Variants in GRIK1 observed in about 807,000 individuals in gnomAD.
GRIK1 encodes glutamate ionotropic receptor kainate type subunit 1.
A neutral mutation model predicts 105.7 loss-of-function variants in GRIK1; 69 were observed. The observed-to-expected ratio is 0.65, with a 90% CI of 0.54 to 0.80. The LOEUF is 0.80. GRIK1 is among the 30% of genes least tolerant of loss of function. The pLI, the probability that GRIK1 is intolerant of heterozygous loss-of-function variation, is 0.00. For synonymous variants in GRIK1, 438 were observed against 431.3 expected (o/e 1.02, Z -0.19); for missense variants, 1,109 against 1,167.3 (o/e 0.95, Z 0.73).
chr21:29,560,675 C>T (rs1415962664), intron 15 of GRIK1, among the ~76,000 whole-genome samples: 2 of 150,176 alleles, frequency 1.3e-5, no homozygotes, highest in South Asian at 4.2e-4. Flanking sequence ...CATCTCAGCT[C>T]ACTGCAACCT....
chr21:29,573,166 A>G (rs572389990), intron 14 of GRIK1, among the ~76,000 whole-genome samples: 1 of 152,186 alleles, frequency 6.6e-6, no homozygotes, highest in Non-Finnish European at 1.5e-5. Flanking sequence ...TGTTTGTACT[A>G]TCATCACATT....
intron 1 of GRIK1, among the ~76,000 whole-genome samples, chr21:29,861,862 G>T (rs2068650969): frequency 6.6e-6 from 1 of 152,090 alleles, no homozygotes; most frequent in South Asian, 2.1e-4. Context: ...GATTCAGCTT[G>T]CTAATATTTT....
At chr21:29,925,826 T>C (rs2071351596) in intron 1 of GRIK1, among the ~76,000 whole-genome samples, 1 of 152,234 alleles carries the variant, frequency 6.6e-6, no homozygotes, top group Non-Finnish European at 1.5e-5. Flanking sequence ...TCTCAAAAAG[T>C]GAGTGACAGA....
At chr21:29,934,336 C>T (rs467092) in intron 1 of GRIK1, among the ~76,000 whole-genome samples, 137,858 of 152,228 alleles carry the variant, frequency 0.91, 62,552 homozygotes, top group African/African-American at 0.96. Flanking sequence ...TTCTTATATT[C>T]GATTTCCACT....
intron 1 of GRIK1, among the ~76,000 whole-genome samples, chr21:29,869,534 C>T (rs747623621): frequency 3.9e-5 from 6 of 152,112 alleles, no homozygotes; most frequent in South Asian, 2.1e-4. Flanking sequence ...TTCTTACTAC[C>T]GGCATGATAT....
intron 7 of GRIK1, among the ~76,000 whole-genome samples, chr21:29,609,519 T>A (rs2061686063): frequency 6.6e-6 from 1 of 152,202 alleles, no homozygotes; most frequent in Non-Finnish European, 1.5e-5. Flanking sequence ...CCAGATGAGA[T>A]GAGCATTTGA....
At chr21:29,734,715 C>A (rs2064743071) in intron 1 of GRIK1, among the ~76,000 whole-genome samples, 1 of 152,072 alleles carries the variant, frequency 6.6e-6, no homozygotes, top group African/African-American at 2.4e-5. Context: ...TATCAAAGTT[C>A]TTTATTGTCT....
intron 14 of GRIK1, among the ~76,000 whole-genome samples, chr21:29,566,734 C>T (rs987819599): frequency 1.3e-5 from 2 of 152,108 alleles, no homozygotes; most frequent in African/African-American, 2.4e-5. Context: ...ATTGATTAAT[C>T]GAATCTTCAC....
intron 4 of GRIK1, among the ~76,000 whole-genome samples, chr21:29,659,889 T>C (rs941587918): frequency 6.6e-6 from 1 of 151,982 alleles, no homozygotes; most frequent in African/African-American, 2.4e-5. Context: ...TTGAACCTGG[T>C]AGGCGGAGAT....
At chr21:29,881,363 T>A (rs2069402525) in intron 1 of GRIK1, among the ~76,000 whole-genome samples, 1 of 152,078 alleles carries the variant, frequency 6.6e-6, no homozygotes, top group Non-Finnish European at 1.5e-5. Context: ...TTTATTTTCA[T>A]AAAATTTCAA....
At chr21:29,806,566 C>A (rs1264077754) in intron 1 of GRIK1, among the ~76,000 whole-genome samples, 2 of 152,082 alleles carry the variant, frequency 1.3e-5, no homozygotes, top group Non-Finnish European at 2.9e-5. Flanking sequence ...ATTTAAATAT[C>A]AATACTAAGG....
chr21:29,878,515 A>G (rs972772068), intron 1 of GRIK1, among the ~76,000 whole-genome samples: 1 of 152,148 alleles, frequency 6.6e-6, no homozygotes, highest in African/African-American at 2.4e-5. Context: ...AGATGGAATG[A>G]AGAGACTTCA....
chr21:29,625,813 T>C (rs140606340), intron 7 of GRIK1, among the ~76,000 whole-genome samples: 311 of 152,292 alleles, frequency 2.0e-3, no homozygotes, highest in African/African-American at 7.1e-3. Flanking sequence ...GATTGCAAAG[T>C]GAATGTTTCA....
intron 1 of GRIK1, among the ~76,000 whole-genome samples, chr21:29,805,124 A>C (rs1357557982): frequency 6.6e-6 from 1 of 152,096 alleles, no homozygotes; most frequent in Non-Finnish European, 1.5e-5. Context: ...TCTGAGTATG[A>C]ATGGGCACAA....
At chr21:29,872,831 C>G (rs2223021) in intron 1 of GRIK1, among the ~76,000 whole-genome samples, 1 of 152,120 alleles carries the variant, frequency 6.6e-6, no homozygotes, top group Non-Finnish European at 1.5e-5. Context: ...CAATTACCCC[C>G]CACTGGGTCC....
intron 1 of GRIK1, among the ~76,000 whole-genome samples, chr21:29,709,524 T>A (rs1328193587): frequency 6.6e-6 from 1 of 152,006 alleles, no homozygotes. Flanking sequence ...CAGGTAATCT[T>A]GAAAAGATTT....
chr21:29,805,401 G>T (rs2066837676), intron 1 of GRIK1, among the ~76,000 whole-genome samples: 1 of 152,048 alleles, frequency 6.6e-6, no homozygotes, highest in Non-Finnish European at 1.5e-5. Context: ...TGATCAAACT[G>T]GCCCTGAAAT....
At chr21:29,764,366 C>G (rs928346144) in intron 1 of GRIK1, among the ~76,000 whole-genome samples, 2 of 152,118 alleles carry the variant, frequency 1.3e-5, no homozygotes, top group African/African-American at 4.8e-5. Context: ...TTTTGTAGGA[C>G]AGAACCATAC....
chr21:29,712,526 C>T (rs1202474061), intron 1 of GRIK1, among the ~76,000 whole-genome samples: 1 of 151,964 alleles, frequency 6.6e-6, no homozygotes, highest in Non-Finnish European at 1.5e-5. Context: ...ACTCATTTCT[C>T]TAAATTTCCA....
Sources: allele counts gnomAD v4.1 joint callset (sites outside exome capture counted in the v4.1 genomes callset), GRCh38; gene constraint gnomAD v4.1.1; transcripts MANE v1.5; gene names NCBI Gene and HGNC (gene_info 2026-07-23, HGNC 2026-07-21).